The following PAN3 variants were observed in gnomAD, a reference collection of about 807,000 sequenced individuals.
The protein encoded by PAN3 is poly(A) specific ribonuclease subunit PAN3.
A neutral mutation model predicts 96.2 loss-of-function variants in PAN3; 19 were observed. That is an observed-to-expected ratio of 0.20 (90% CI 0.14 to 0.29). PAN3 has a LOEUF of 0.29. Among genes scored for constraint, PAN3 ranks in the 10% least tolerant of loss-of-function variants. The pLI is 1.00. For synonymous variants in PAN3, 433 were observed against 406.6 expected, an observed-to-expected ratio of 1.06 and a Z score of -0.78; for missense variants, 882 against 1,108.1, an observed-to-expected ratio of 0.80 and a Z score of 2.90.
intron 1 of PAN3, among the ~76,000 whole-genome samples, chr13:28,141,263 C>G (rs1869766563): frequency 6.6e-6 from 1 of 151,774 alleles, no homozygotes; most frequent in African/African-American, 2.4e-5. Flanking sequence ...CCTCGGCCTC[C>G]CAAAGTGCTG....
Position 28,226,414 on chromosome 13 carries a change from T to C in PAN3, c.1000+6036T>C, listed in dbSNP as rs557442050. ...TAAATTGAATTCTTCAAATTAGTTT[T>C]GTACTTAATATCAATAATGGTAGTT... On this transcript the variant is annotated intron_variant, in intron 6 of 18. Coordinates refer to ENST00000380958, the MANE Select transcript of PAN3 (RefSeq NM_175854.8). 1.4e-4 allele frequency among the ~76,000 whole-genome samples: 21 copies of C among 152,322 alleles called. 1 individual carries two copies. In the South Asian group the frequency reaches 4.3e-3, roughly 32 times the overall value.
chr13:28,215,477 G>T, intron 5 of PAN3: 1 of 689,386 alleles, frequency 1.5e-6, no homozygotes. Flanking sequence ...GTTCGTTGGG[G>T]GAGTGTTGCT....
chr13:28,207,049 AG>A (rs1879460027), intron 5 of PAN3, among the ~76,000 whole-genome samples: 1 of 152,194 alleles, frequency 6.6e-6, no homozygotes. Flanking sequence ...TCACAGAGGC[AG>A]GGCGGGTTCC....
chr13:28,155,970 G>T (rs1872105092), intron 1 of PAN3, among the ~76,000 whole-genome samples: 1 of 152,142 alleles, frequency 6.6e-6, no homozygotes, highest in Non-Finnish European at 1.5e-5. Context: ...TGGCCACGTT[G>T]TGAAGGCCCT....
At chr13:28,162,242 G>A (rs1267850139) in intron 1 of PAN3, among the ~76,000 whole-genome samples, 1 of 152,180 alleles carries the variant, frequency 6.6e-6, no homozygotes, top group African/African-American at 2.4e-5. Flanking sequence ...GTCAGTATTT[G>A]TTAAAAGTCT....
intron 1 of PAN3, among the ~76,000 whole-genome samples, chr13:28,159,708 A>C (rs1048739510): frequency 6.6e-6 from 1 of 152,038 alleles, no homozygotes; most frequent in Non-Finnish European, 1.5e-5. Flanking sequence ...TTGGCCTCCC[A>C]AGGTGCTGGG....
intron 1 of PAN3, among the ~76,000 whole-genome samples, chr13:28,166,757 G>T (rs1873599146): frequency 6.6e-6 from 1 of 152,184 alleles, no homozygotes; most frequent in Non-Finnish European, 1.5e-5. Flanking sequence ...CATCACCAAG[G>T]TTTACCCCTT....
At chr13:28,243,381 G>T (rs1883860623) in intron 6 of PAN3, among the ~76,000 whole-genome samples, 1 of 151,988 alleles carries the variant, frequency 6.6e-6, no homozygotes, top group African/African-American at 2.4e-5. Flanking sequence ...GACTTTTATG[G>T]GCCAAAAACA....
At chr13:28,191,128 C>G (rs1877202976) in intron 4 of PAN3, among the ~76,000 whole-genome samples, 2 of 152,164 alleles carry the variant, frequency 1.3e-5, no homozygotes, top group Admixed American at 1.3e-4. Context: ...CTTTTGTTTG[C>G]TCTGAAGGAG....
Position 28,138,876 on chromosome 13 carries a change from CG to C in PAN3, c.223del (p.Ala75LeufsTer78), listed in dbSNP as rs1307157187. 1.4e-6 allele frequency: 2 copies of C among 1,418,738 alleles called. No homozygotes were observed. Among genetic ancestry groups the C allele is most frequent in the Non-Finnish European group, 1.8e-6 (2 of 1,090,270 alleles). The allele number at this position is 1,418,738 out of a possible 1,614,324, so 87.9% of individuals were successfully genotyped here. A position where few individuals can be genotyped will look rare whatever the true frequency, so the allele number is the denominator to read the frequency against. ...AGTTCCTGCATGAGGACCCTGCCGC[CG>C]GGGCTGCCCCGGGCCTCGGCCTCCA... is the stretch of plus-strand genomic sequence containing the variant. ...CQFLHEDPAA[G>X]AAPGLGLHSN... On this transcript the variant is annotated frameshift_variant, in exon 1 of 19. Coordinates refer to ENST00000380958, the MANE Select transcript of PAN3 (RefSeq NM_175854.8). LOFTEE classifies it high-confidence loss of function.
At chr13:28,211,546 T>TGCC (rs1880036329) in intron 5 of PAN3, among the ~76,000 whole-genome samples, 1 of 152,198 alleles carries the variant, frequency 6.6e-6, no homozygotes, top group African/African-American at 2.4e-5. Context: ...TAGATTGAAT[T>TGCC]GCTCACAAGT....
Position 28,142,511 on chromosome 13 carries a change from A to ATTT in PAN3, c.430+3441_430+3443dup, listed in dbSNP as rs74881179. Among the ~76,000 whole-genome samples, 73 of 126,668 alleles carry ATTT rather than the reference A, an allele frequency of 5.8e-4. 2 individuals carry two copies. Among genetic ancestry groups the ATTT allele is most frequent in the African/African-American group, 2.0e-3 (63 of 30,928 alleles). The allele number at this position is 126,668 out of a possible 152,430, so 83.1% of individuals were successfully genotyped here. On this transcript the variant is annotated intron_variant, in intron 1 of 18. Transcript: ENST00000380958. ...TGTGAGGCAGTTAAAATAGATGGCA[A>ATTT]TTTTTTTTTTTTTTTTTTTGAGACA...
intron 3 of PAN3, 100 bp downstream of exon 3, chr13:28,176,659 GC>G (rs1755184908): frequency 1.8e-6 from 2 of 1,131,000 alleles, no homozygotes; most frequent in Non-Finnish European, 2.6e-6. Flanking sequence ...TTGTAAACGG[GC>G]ATAAAGAAGA....
intron 1 of PAN3, among the ~76,000 whole-genome samples, chr13:28,149,739 C>G (rs941967645): frequency 3.9e-5 from 6 of 152,112 alleles, no homozygotes; most frequent in African/African-American, 1.4e-4. Flanking sequence ...CCTCAGCCTC[C>G]TTAGTAGTTA....
chr13:28,256,672 AAGT>A, intron 7 of PAN3, 133 bp downstream of exon 7: 1 of 964,286 alleles, frequency 1.0e-6, no homozygotes, highest in Non-Finnish European at 1.5e-6. Flanking sequence ...CTTAGATGAG[AAGT>A]CTAGTCTCTT....
At chr13:28,232,802 A>C (rs550864424) in intron 6 of PAN3, among the ~76,000 whole-genome samples, 2 of 152,188 alleles carry the variant, frequency 1.3e-5, no homozygotes, top group South Asian at 4.1e-4. Flanking sequence ...TTATCCAAAA[A>C]CTTTTTTTTA....
At chr13:28,216,198 A>AG (rs544978127) in intron 5 of PAN3, among the ~76,000 whole-genome samples, 1,504 of 144,792 alleles carry the variant, frequency 0.01, 23 homozygotes, top group African/African-American at 0.037. Context: ...AAGTTTAGTG[A>AG]GAAAAAAAAA....
At chr13:28,208,837 C>A (rs1048300954) in intron 5 of PAN3, among the ~76,000 whole-genome samples, 2 of 152,040 alleles carry the variant, frequency 1.3e-5, no homozygotes. Flanking sequence ...TACGATAATT[C>A]CATTCAGCGA....
chr13:28,292,307 T>A, intron 18 of PAN3, 75 bp from the exon 19 acceptor site: 1 of 1,402,026 alleles, frequency 7.1e-7, no homozygotes, highest in Non-Finnish European at 9.5e-7. Context: ...ATATTTTATT[T>A]ATTTTTGCTG....
Sources: gnomAD v4.1 joint callset for allele counts (sites outside exome capture counted in the v4.1 genomes callset) on GRCh38, gnomAD v4.1.1 for gene constraint, MANE v1.5 for transcripts, NCBI Gene and HGNC (gene_info 2026-07-23, HGNC 2026-07-21) for gene names.